The following CLVS1 variants were observed in gnomAD, a reference collection of about 807,000 sequenced individuals.
CLVS1 encodes clavesin 1, also known as clavesin-1.
In CLVS1, 10 loss-of-function variants were observed where a neutral mutation model predicts 33.1. That is an observed-to-expected ratio of 0.30 (90% CI 0.19 to 0.51). CLVS1 has a LOEUF of 0.51. Ranked by LOEUF, CLVS1 falls within the 20% of genes least tolerant of loss-of-function variation. CLVS1 has a pLI of 0.97. For synonymous variants in CLVS1, 163 were observed against 166.1 expected (o/e 0.98, Z 0.14); for missense variants, 343 against 433.4 (o/e 0.79, Z 1.85).
At chr8:61,368,556 C>T (rs1483483624) in intron 2 of CLVS1, among the ~76,000 whole-genome samples, 1 of 152,168 alleles carries the variant, frequency 6.6e-6, no homozygotes, top group East Asian at 1.9e-4. Flanking sequence ...TGACAGTCCC[C>T]AAACTCTCTC....
intron 3 of CLVS1, chr8:61,377,932 T>C (rs1488225705): frequency 6.6e-6 from 1 of 152,106 alleles, no homozygotes; most frequent in Non-Finnish European, 1.5e-5. Context: ...TGCTTTTGAA[T>C]GTACAGACTA....
intron 1 of CLVS1, among the ~76,000 whole-genome samples, chr8:61,121,257 A>G (rs1039049511): frequency 2.0e-5 from 3 of 151,802 alleles, no homozygotes; most frequent in Non-Finnish European, 2.9e-5. Flanking sequence ...GCACCCACTG[A>G]CCTGCACCCA....
At chr8:61,442,868 G>A (rs1291910322) in intron 3 of CLVS1, among the ~76,000 whole-genome samples, 1 of 152,126 alleles carries the variant, frequency 6.6e-6, no homozygotes, top group Non-Finnish European at 1.5e-5. Flanking sequence ...GAAGTGCTGG[G>A]ATTATAAGGC....
the CLVS1 span, among the ~76,000 whole-genome samples, chr8:60,974,558 A>C: frequency 1.3e-5 from 2 of 152,100 alleles, no homozygotes; most frequent in Non-Finnish European, 2.9e-5. Flanking sequence ...TTTTCTCCCC[A>C]CTTAGTATGA....
chr8:61,055,022 C>T (rs982893044), upstream of CLVS1, among the ~76,000 whole-genome samples: 1 of 152,086 alleles, frequency 6.6e-6, no homozygotes, highest in East Asian at 1.9e-4. Context: ...TCACACCAAC[C>T]CTTTCATTAT....
chr8:61,208,393 A>G (rs112031084), intron 2 of CLVS1, among the ~76,000 whole-genome samples: 23 of 152,338 alleles, frequency 1.5e-4, no homozygotes, highest in African/African-American at 4.6e-4. Context: ...AAAATATTAC[A>G]TTCTTAGTCT....
intron 2 of CLVS1, among the ~76,000 whole-genome samples, chr8:61,273,600 C>G (rs1809500314): frequency 6.6e-6 from 1 of 152,370 alleles, no homozygotes; most frequent in East Asian, 1.9e-4. Context: ...CTTGCTGCCA[C>G]CTTGCAGTTT....
At chr8:61,244,177 G>A (rs1042232464) in intron 2 of CLVS1, among the ~76,000 whole-genome samples, 2 of 137,650 alleles carry the variant, frequency 1.5e-5, no homozygotes, top group Non-Finnish European at 3.3e-5. Flanking sequence ...GCAGTATAGG[G>A]CATTGCATTT....
intron 3 of CLVS1, among the ~76,000 whole-genome samples, chr8:61,393,844 G>A (rs1407213850): frequency 2.6e-5 from 4 of 152,128 alleles, no homozygotes; most frequent in African/African-American, 4.8e-5. Flanking sequence ...GGAGTCCTTG[G>A]TTATAGTTTT....
At chr8:61,347,476 G>A (rs1812260130) in intron 2 of CLVS1, among the ~76,000 whole-genome samples, 1 of 151,446 alleles carries the variant, frequency 6.6e-6, no homozygotes, top group Non-Finnish European at 1.5e-5. Context: ...CATGTGGGGG[G>A]CTGGGGATAT....
chr8:61,176,471 T>C (rs985654266), intron 2 of CLVS1, among the ~76,000 whole-genome samples: 1 of 152,190 alleles, frequency 6.6e-6, no homozygotes, highest in East Asian at 1.9e-4. Context: ...AATAAGTAGG[T>C]ATTAAAAGTA....
intron 2 of CLVS1, among the ~76,000 whole-genome samples, chr8:61,204,867 G>T (rs1201583513): frequency 6.6e-6 from 1 of 152,136 alleles, no homozygotes; most frequent in Non-Finnish European, 1.5e-5. Flanking sequence ...AGCAAAATTG[G>T]AATAGTTTGT....
chr8:61,106,372 G>A (rs1805538884), intron 1 of CLVS1, among the ~76,000 whole-genome samples: 1 of 152,234 alleles, frequency 6.6e-6, no homozygotes, highest in East Asian at 1.9e-4. Context: ...ACGTTGAAGA[G>A]ATGGAGCACA....
chr8:61,327,023 T>C (rs570031470), intron 2 of CLVS1, among the ~76,000 whole-genome samples: 1 of 152,324 alleles, frequency 6.6e-6, no homozygotes, highest in Admixed American at 6.5e-5. Context: ...CAGGCTATCA[T>C]TAAGAGTGAG....
At chr8:61,404,126 G>A (rs1046215422) in intron 3 of CLVS1, among the ~76,000 whole-genome samples, 2 of 152,062 alleles carry the variant, frequency 1.3e-5, no homozygotes, top group African/African-American at 4.8e-5. Flanking sequence ...GGTGACTTAG[G>A]GCCATATTTT....
chr8:61,357,595 T>A (rs1485414193), intron 2 of CLVS1, among the ~76,000 whole-genome samples: 2 of 138,666 alleles, frequency 1.4e-5, no homozygotes, highest in African/African-American at 5.5e-5. Context: ...AACCTTCCCC[T>A]CCTAGGTTCA....
chr8:61,306,696 C>A (rs749035044), intron 2 of CLVS1, among the ~76,000 whole-genome samples: 2 of 152,112 alleles, frequency 1.3e-5, no homozygotes, highest in Non-Finnish European at 2.9e-5. Flanking sequence ...TGTGAACATT[C>A]TAGTTTGTGT....
At chr8:61,131,592 C>T (rs1212374799) in intron 1 of CLVS1, among the ~76,000 whole-genome samples, 1 of 151,684 alleles carries the variant, frequency 6.6e-6, no homozygotes, top group African/African-American at 2.4e-5. Flanking sequence ...ACCCCCAAAA[C>T]TTTGTTGCTG....
intron 2 of CLVS1, among the ~76,000 whole-genome samples, chr8:61,313,734 C>A (rs1810920224): frequency 6.6e-6 from 1 of 152,142 alleles, no homozygotes; most frequent in African/African-American, 2.4e-5. Flanking sequence ...CAGGGAGACT[C>A]TTTCTAGACT....
Sources: allele counts gnomAD v4.1 joint callset (sites outside exome capture counted in the v4.1 genomes callset), GRCh38; gene constraint gnomAD v4.1.1; transcripts MANE v1.5; gene names NCBI Gene and HGNC (gene_info 2026-07-23, HGNC 2026-07-21).